The following TRAP1 variants were observed in gnomAD, a reference collection of about 807,000 sequenced individuals.
The protein encoded by TRAP1 is TNF receptor associated protein 1, also known as heat shock protein 75 kDa, mitochondrial.
In TRAP1, 102 loss-of-function variants were observed where a neutral mutation model predicts 89.1. The observed-to-expected ratio is 1.15, with a 90% CI of 0.98 to 1.35. TRAP1 has a LOEUF of 1.35. Ranked by LOEUF, TRAP1 falls within the 40% of genes most tolerant of loss-of-function variation. The pLI, the probability that TRAP1 is intolerant of heterozygous loss-of-function variation, is 0.00. For missense variants in TRAP1, 1,256 were observed against 945.3 expected, an observed-to-expected ratio of 1.33 and a Z score of -4.31; for synonymous variants, 508 against 388.0, an observed-to-expected ratio of 1.31 and a Z score of -3.64.
Position 3,662,912 on chromosome 16 carries a change from A to G in TRAP1, c.1764T>C (p.Asn588=), listed in dbSNP as rs1465946444. The change falls in exon 15 of 18, where the codon AAT becomes AAC. Residue 588 remains asparagine, a synonymous_variant. Coordinates refer to ENST00000246957, the MANE Select transcript of TRAP1 (RefSeq NM_016292.3). ...CGTTGGTGACACGCGACCCCAGCAC[A>G]TTTCTCATCCAGGCCATGAGCTCCT... ...ETEELMAWMR[N]VLGSRVTNVK... The G allele has an allele frequency of 3.1e-6, 5 of 1,613,264 alleles. No homozygotes were observed. In the East Asian group the frequency reaches 6.7e-5, roughly 22 times the overall value.
intron 16 of TRAP1, chr16:3,661,679 A>G (rs2043083568): frequency 3.1e-6 from 1 of 324,092 alleles, no homozygotes; most frequent in Admixed American, 4.9e-5. Flanking sequence ...CCACGTACAA[A>G]GCTCAAAACA....
At chr16:3,700,079 A>G (rs1398735505) in intron 1 of TRAP1, among the ~76,000 whole-genome samples, 1 of 152,154 alleles carries the variant, frequency 6.6e-6, no homozygotes, top group Admixed American at 6.6e-5. Flanking sequence ...AGGGCAGGAA[A>G]AAGCTTGTAT....
At chr16:3,663,113 A>G (rs1453193434) in intron 14 of TRAP1, 146 bp from the exon 15 acceptor site, 10 of 710,236 alleles carry the variant, frequency 1.4e-5, no homozygotes, top group Non-Finnish European at 2.3e-5. Flanking sequence ...ATCTAAAAGT[A>G]AAACCTCAAA....
intron 17 of TRAP1, 37 bp from the exon 18 acceptor site, chr16:3,658,267 T>C: frequency 6.7e-7 from 1 of 1,502,048 alleles, no homozygotes; most frequent in Non-Finnish European, 9.1e-7. Flanking sequence ...ATGAGGGGCA[T>C]GGGGCACCTT....
At chr16:3,666,965 T>C (rs58376547) in intron 11 of TRAP1, among the ~76,000 whole-genome samples, 1 of 152,184 alleles carries the variant, frequency 6.6e-6, no homozygotes, top group African/African-American at 2.4e-5. Context: ...ATCCAGAGCA[T>C]GGGAACAACA....
chr16:3,706,123 T>C (rs904056999), intron 1 of TRAP1, among the ~76,000 whole-genome samples: 2 of 151,816 alleles, frequency 1.3e-5, no homozygotes, highest in African/African-American at 4.8e-5. Context: ...CCCAGTTAAT[T>C]TTTGTATTTT....
At chr16:3,662,230 A>T (rs1298907514) in intron 15 of TRAP1, 98 bp from the exon 16 acceptor site, 3 of 1,458,298 alleles carry the variant, frequency 2.1e-6, no homozygotes, top group African/African-American at 2.8e-5. Flanking sequence ...ACCACGAGGT[A>T]GCAGGCGGGG....
intron 4 of TRAP1, among the ~76,000 whole-genome samples, chr16:3,684,279 AT>A (rs1441188929): frequency 6.6e-6 from 1 of 152,238 alleles, no homozygotes; most frequent in Non-Finnish European, 1.5e-5. Context: ...CTGTTGTAAG[AT>A]TCTTACAATG....
intron 12 of TRAP1, 23 bp downstream of exon 12, chr16:3,665,948 G>C (rs752653148): frequency 4.4e-6 from 7 of 1,600,920 alleles, no homozygotes; most frequent in African/African-American, 1.4e-5. Context: ...CCCAGAAAAA[G>C]GCCTGGAACA....
intron 1 of TRAP1, among the ~76,000 whole-genome samples, chr16:3,702,685 C>T (rs1567243560): frequency 6.6e-6 from 1 of 151,338 alleles, no homozygotes; most frequent in Non-Finnish European, 1.5e-5. Flanking sequence ...GTAAAGGCTG[C>T]AGTGAGCCGA....
rs193257928 is a variant in TRAP1 at position 3,693,186 on chromosome 16, T to A, written c.89-2201A>T. Among the ~76,000 whole-genome samples the A allele has an allele frequency of 2.2e-4, 33 of 149,266 alleles. No individual in the cohort carries two copies. In the East Asian group the frequency reaches 5.7e-3, roughly 26 times the overall value. The stretch of plus-strand genomic sequence containing the variant: ...CTGCTCTCGAACTATTGACCTCAGG[T>A]GATCCACCCACCTAGGCCTCCCAAA... On this transcript the variant is annotated intron_variant, in intron 1 of 17. Transcript: ENST00000246957.
intron 1 of TRAP1, among the ~76,000 whole-genome samples, chr16:3,697,830 C>A (rs1044147415): frequency 2.6e-5 from 4 of 151,052 alleles, no homozygotes; most frequent in Non-Finnish European, 5.9e-5. Context: ...CTCTGTTGCC[C>A]AGAGCTGGAG....
chr16:3,717,194 G>A (rs1428455867), intron 1 of TRAP1, among the ~76,000 whole-genome samples: 1 of 152,256 alleles, frequency 6.6e-6, no homozygotes, highest in East Asian at 1.9e-4. Flanking sequence ...GCCTCCTTCA[G>A]GGCTCCCATG....
chr16:3,696,066 C>G (rs992325008), intron 1 of TRAP1, among the ~76,000 whole-genome samples: 1 of 152,216 alleles, frequency 6.6e-6, no homozygotes. Flanking sequence ...GATGACCCCC[C>G]ACTTAGGCTA....
intron 11 of TRAP1, among the ~76,000 whole-genome samples, 181 bp downstream of exon 11, chr16:3,671,541 A>G (rs1044210729): frequency 2.6e-5 from 4 of 151,742 alleles, no homozygotes; most frequent in African/African-American, 9.7e-5. Flanking sequence ...CTTCTGGACC[A>G]CAAGCTTCAG....
intron 5 of TRAP1, chr16:3,678,196 T>C (rs1157086055): frequency 2.0e-5 from 3 of 152,806 alleles, no homozygotes; most frequent in Non-Finnish European, 4.4e-5. Flanking sequence ...CCCACTGCCC[T>C]GGCCCACGTT....
chr16:3,702,696 G>C (rs1448808663), intron 1 of TRAP1, among the ~76,000 whole-genome samples: 1 of 150,442 alleles, frequency 6.6e-6, no homozygotes, highest in Non-Finnish European at 1.5e-5. Flanking sequence ...AGTGAGCCGA[G>C]ATCACACCAC....
intron 16 of TRAP1, chr16:3,660,900 G>C (rs2043037007): frequency 6.6e-6 from 1 of 152,044 alleles, no homozygotes; most frequent in Admixed American, 6.6e-5. Context: ...CTCCAACCTG[G>C]GGGACAGAGT....
At chr16:3,707,901 G>T (rs1041066778) in intron 1 of TRAP1, among the ~76,000 whole-genome samples, 2 of 151,724 alleles carry the variant, frequency 1.3e-5, no homozygotes, top group Non-Finnish European at 2.9e-5. Flanking sequence ...AAAAAAACTG[G>T]GGGCCAGGCA....
Sources: gnomAD v4.1 joint callset for allele counts (sites outside exome capture counted in the v4.1 genomes callset) on GRCh38, gnomAD v4.1.1 for gene constraint, MANE v1.5 for transcripts, NCBI Gene and HGNC (gene_info 2026-07-23, HGNC 2026-07-21) for gene names.